CSMD3: variants seen among roughly 807,000 people sequenced by gnomAD.
CSMD3 encodes CUB and sushi domain-containing protein 3.
CSMD3 carries 177 observed loss-of-function variants against 435.2 expected under a neutral mutation model. The ratio of observed to expected loss-of-function variants is 0.41; its 90% CI spans 0.36 to 0.46. CSMD3 has a LOEUF of 0.46. CSMD3 is among the 20% of genes least tolerant of loss of function. The pLI, the probability that CSMD3 is intolerant of heterozygous loss-of-function variation, is 0.34. For synonymous variants in CSMD3, 1,656 were observed against 1,520.5 expected, an observed-to-expected ratio of 1.09 and a Z score of -2.07; for missense variants, 4,265 against 4,504.6, an observed-to-expected ratio of 0.95 and a Z score of 1.52.
intron 22 of CSMD3, among the ~76,000 whole-genome samples, chr8:112,599,908 T>C (rs1361283984): frequency 1.4e-5 from 2 of 144,012 alleles, no homozygotes; most frequent in South Asian, 2.3e-4. Flanking sequence ...TTGGGAGATA[T>C]ACCTAATGCT....
At chr8:113,295,081 A>C (rs2093710641) in intron 2 of CSMD3, among the ~76,000 whole-genome samples, 1 of 152,128 alleles carries the variant, frequency 6.6e-6, no homozygotes, top group South Asian at 2.1e-4. Flanking sequence ...TATGGGGTAC[A>C]TGATGTATTT....
At chr8:112,770,134 A>T (rs1157610049) in intron 13 of CSMD3, among the ~76,000 whole-genome samples, 1 of 152,042 alleles carries the variant, frequency 6.6e-6, no homozygotes, top group Non-Finnish European at 1.5e-5. Flanking sequence ...ATGAAAAATT[A>T]AAAAAAGCTC....
At chr8:112,598,877 A>G (rs1407515015) in intron 22 of CSMD3, among the ~76,000 whole-genome samples, 3 of 152,320 alleles carry the variant, frequency 2.0e-5, no homozygotes, top group South Asian at 4.1e-4. Flanking sequence ...TTCAAGATGG[A>G]TTAAAGACTT....
chr8:112,241,272 A>G (rs1268110766), intron 66 of CSMD3, among the ~76,000 whole-genome samples: 12 of 152,016 alleles, frequency 7.9e-5, no homozygotes. Context: ...GTTTTTATTG[A>G]TTGTGCTAGG....
chr8:112,255,630 T>C (rs1356593412), intron 61 of CSMD3: 3 of 565,132 alleles, frequency 5.3e-6, no homozygotes, highest in Non-Finnish European at 9.3e-6. Flanking sequence ...ATTTAAAAAT[T>C]AGCTCGATTT....
rs1406445029 is a variant in CSMD3, at chr8:113,019,056, C to T, written c.1030+11G>A. 1.3e-6 allele frequency: 2 copies of T among 1,491,658 alleles called. No homozygotes were observed. The highest frequency in any genetic ancestry group is 2.8e-5 in the African/African-American group (2 of 72,472). 92.4% of individuals were successfully genotyped at this position (1,491,658 alleles called of 1,614,324 possible). Reference sequence around the variant, plus strand: ...CATATCAAAAGAGGCAAAGGTATTCCATAAGTATACCTTGATAGGGAGCAC... The same window carrying T: ...CATATCAAAAGAGGCAAAGGTATTCTATAAGTATACCTTGATAGGGAGCAC... On this transcript the variant is annotated intron_variant, in intron 6 of 70. Coordinates refer to ENST00000297405, the MANE Select transcript of CSMD3 (RefSeq NM_198123.2).
chr8:112,536,902 A>G (rs1826152441), intron 27 of CSMD3, among the ~76,000 whole-genome samples: 1 of 152,058 alleles, frequency 6.6e-6, no homozygotes, highest in South Asian at 2.1e-4. Context: ...CATCATTCTC[A>G]GTAAACTATT....
At chr8:113,376,612 TC>T (rs2094384850) in intron 1 of CSMD3, 4 of 1,054,066 alleles carry the variant, frequency 3.8e-6, no homozygotes, top group Non-Finnish European at 5.8e-6. Flanking sequence ...TTAATCCTCA[TC>T]AAAAGAAAGT....
At chr8:112,880,105 A>G (rs1380135) in intron 10 of CSMD3, among the ~76,000 whole-genome samples, 85,750 of 151,878 alleles carry the variant, frequency 0.56, 25,787 homozygotes, top group East Asian at 0.79. Flanking sequence ...AATTTTAAAA[A>G]GGCTTAAGTT....
intron 10 of CSMD3, among the ~76,000 whole-genome samples, chr8:112,888,718 T>C (rs150188917): frequency 9.2e-5 from 14 of 151,818 alleles, no homozygotes; most frequent in African/African-American, 3.4e-4. Flanking sequence ...TCATAAAATA[T>C]GAGCACTTGT....
chr8:113,220,027 A>G (rs1361353076), intron 3 of CSMD3, among the ~76,000 whole-genome samples: 1 of 151,498 alleles, frequency 6.6e-6, no homozygotes, highest in Non-Finnish European at 1.5e-5. Flanking sequence ...AAGATGTTTC[A>G]TTTTGCTCAT....
intron 22 of CSMD3, among the ~76,000 whole-genome samples, chr8:112,609,972 G>A (rs1275376428): frequency 2.0e-5 from 3 of 151,980 alleles, no homozygotes; most frequent in African/African-American, 4.8e-5. Flanking sequence ...TAACAAACTC[G>A]AACTCACAGA....
intron 5 of CSMD3, among the ~76,000 whole-genome samples, chr8:113,030,275 A>T (rs954135435): frequency 6.6e-6 from 1 of 150,976 alleles, no homozygotes; most frequent in Admixed American, 6.6e-5. Flanking sequence ...TAGAAAAAAA[A>T]AATCTAAAAT....
intron 1 of CSMD3, among the ~76,000 whole-genome samples, chr8:113,401,017 AT>A (rs2094507580): frequency 6.6e-6 from 1 of 151,816 alleles, no homozygotes; most frequent in South Asian, 2.1e-4. Flanking sequence ...TATGTAACAC[AT>A]TGTAAAACAG....
intron 31 of CSMD3, among the ~76,000 whole-genome samples, chr8:112,480,380 G>A (rs377310376): frequency 1.8e-4 from 28 of 152,228 alleles, no homozygotes; most frequent in African/African-American, 6.7e-4. Context: ...TATTAGCAGG[G>A]GATGATTGTA....
At chr8:113,095,540 AT>A (rs2090138175) in intron 5 of CSMD3, among the ~76,000 whole-genome samples, 1 of 152,156 alleles carries the variant, frequency 6.6e-6, no homozygotes, top group South Asian at 2.1e-4. Flanking sequence ...TATCATTCAC[AT>A]TTGACAACTG....
chr8:113,428,905 T>G (rs2130046142), intron 1 of CSMD3, among the ~76,000 whole-genome samples: 1 of 151,966 alleles, frequency 6.6e-6, no homozygotes, highest in African/African-American at 2.4e-5. Flanking sequence ...ATGTCATAGT[T>G]AAAAAATCCT....
At chr8:113,388,648 C>G (rs1477978561) in intron 1 of CSMD3, among the ~76,000 whole-genome samples, 1 of 151,372 alleles carries the variant, frequency 6.6e-6, no homozygotes, top group Non-Finnish European at 1.5e-5. Flanking sequence ...CAAGAGACCA[C>G]CAAGCTAAAA....
chr8:112,598,074 A>G, intron 22 of CSMD3, among the ~76,000 whole-genome samples: 1 of 148,456 alleles, frequency 6.7e-6, no homozygotes, highest in Non-Finnish European at 1.5e-5. Flanking sequence ...CAGGAAGTCA[A>G]ATTGTCCCTG....
Sources: allele counts gnomAD v4.1 joint callset (sites outside exome capture counted in the v4.1 genomes callset), GRCh38; gene constraint gnomAD v4.1.1; transcripts MANE v1.5; gene names NCBI Gene and HGNC (gene_info 2026-07-23, HGNC 2026-07-21).